The following MATCAP2 variants were observed in gnomAD, a reference collection of about 807,000 sequenced individuals.
MATCAP2 encodes the protein microtubule associated tyrosine carboxypeptidase 2, also known as putative tyrosine carboxypeptidase MATCAP2.
At chr7:36,337,236 T>C in the MATCAP2 span, among the ~76,000 whole-genome samples, 1 of 152,152 alleles carries the variant, frequency 6.6e-6, no homozygotes, top group South Asian at 2.1e-4. Flanking sequence ...GGCAGGATAT[T>C]ATCTACTTTT....
the MATCAP2 span, among the ~76,000 whole-genome samples, chr7:36,357,760 C>T: frequency 5.3e-5 from 8 of 152,120 alleles, no homozygotes; most frequent in Middle Eastern, 3.2e-3. Context: ...ACTTTGGTCA[C>T]GCTAGCTACT....
the MATCAP2 span, among the ~76,000 whole-genome samples, chr7:36,375,654 G>A: frequency 6.6e-6 from 1 of 152,202 alleles, no homozygotes; most frequent in Non-Finnish European, 1.5e-5. Flanking sequence ...AATAGTTTCA[G>A]AAGGAATGGT....
the MATCAP2 span, chr7:36,355,698 T>C: frequency 6.6e-6 from 1 of 152,168 alleles, no homozygotes; most frequent in African/African-American, 2.4e-5. Context: ...AATGCTAAAA[T>C]AGGACATGCA....
At chr7:36,340,135 TGG>T in the MATCAP2 span, among the ~76,000 whole-genome samples, 1 of 152,226 alleles carries the variant, frequency 6.6e-6, no homozygotes, top group Non-Finnish European at 1.5e-5. Flanking sequence ...AAGTTAGTGC[TGG>T]GATTATAGGC....
the MATCAP2 span, among the ~76,000 whole-genome samples, chr7:36,328,920 G>C: frequency 6.6e-6 from 1 of 152,034 alleles, no homozygotes; most frequent in Admixed American, 6.6e-5. Flanking sequence ...GTGGATGCCT[G>C]TAATCTCAGC....
the MATCAP2 span, chr7:36,357,369 A>G: frequency 3.1e-6 from 5 of 1,614,030 alleles, no homozygotes; most frequent in Non-Finnish European, 4.2e-6. Context: ...GGTTTTCTAC[A>G]TCTTTTGGAG....
the MATCAP2 span, among the ~76,000 whole-genome samples, chr7:36,377,336 A>T: frequency 1.2e-3 from 176 of 152,208 alleles, no homozygotes; most frequent in African/African-American, 4.2e-3. Context: ...TTTATAAAGG[A>T]TTTTATTTCT....
chr7:36,367,581 T>G, the MATCAP2 span, among the ~76,000 whole-genome samples: 3 of 152,132 alleles, frequency 2.0e-5, no homozygotes, highest in Non-Finnish European at 4.4e-5. Flanking sequence ...CTAAAACACG[T>G]TTAGGATGAG....
At chr7:36,387,721 G>T in the MATCAP2 span, among the ~76,000 whole-genome samples, 1 of 152,142 alleles carries the variant, frequency 6.6e-6, no homozygotes, top group African/African-American at 2.4e-5. Flanking sequence ...ACTAAATGTT[G>T]TGAGTAGCTA....
chr7:36,370,812 C>T, the MATCAP2 span, among the ~76,000 whole-genome samples: 12 of 152,296 alleles, frequency 7.9e-5, no homozygotes, highest in African/African-American at 2.9e-4. Flanking sequence ...TTATGTTTAT[C>T]TTTAAGGATG....
chr7:36,383,689 G>T, the MATCAP2 span, among the ~76,000 whole-genome samples: 113 of 152,274 alleles, frequency 7.4e-4, no homozygotes, highest in African/African-American at 2.6e-3. Context: ...GGGAGGGATA[G>T]CATTAGGAGA....
At chr7:36,374,743 G>A in the MATCAP2 span, among the ~76,000 whole-genome samples, 5 of 152,078 alleles carry the variant, frequency 3.3e-5, no homozygotes, top group Admixed American at 6.6e-5. Context: ...TTGTGCCCAC[G>A]TGTTCTCATT....
At chr7:36,327,008 A>G in the MATCAP2 span, 2 of 1,121,646 alleles carry the variant, frequency 1.8e-6, no homozygotes, top group Admixed American at 5.3e-5. Context: ...AAATGAAAGT[A>G]TACAGATCAT....
chr7:36,352,539 C>T, the MATCAP2 span, among the ~76,000 whole-genome samples: 5 of 148,576 alleles, frequency 3.4e-5, no homozygotes, highest in South Asian at 8.6e-4. Flanking sequence ...ATTAGAAAGA[C>T]AGTATGGGCC....
At chr7:36,348,732 AAAG>A in the MATCAP2 span, among the ~76,000 whole-genome samples, 1 of 152,224 alleles carries the variant, frequency 6.6e-6, no homozygotes, top group Middle Eastern at 3.2e-3. Flanking sequence ...AATTATAAAT[AAAG>A]TATTGTGAGA....
the MATCAP2 span, among the ~76,000 whole-genome samples, chr7:36,379,921 A>G: frequency 2.0e-5 from 3 of 151,214 alleles, no homozygotes; most frequent in South Asian, 6.3e-4. Context: ...GGGAATCTGA[A>G]TGATGCCTGG....
the MATCAP2 span, among the ~76,000 whole-genome samples, chr7:36,336,685 T>C: frequency 9.0e-4 from 136 of 151,948 alleles, no homozygotes; most frequent in African/African-American, 2.7e-3. Flanking sequence ...CGCAAGTAAA[T>C]AGATTACCAT....
At chr7:36,326,105 A>C in the MATCAP2 span, 1 of 152,144 alleles carries the variant, frequency 6.6e-6, no homozygotes, top group African/African-American at 2.4e-5. Flanking sequence ...ATGTTTCAGC[A>C]AATGAAAACA....
At chr7:36,382,491 CT>C in the MATCAP2 span, among the ~76,000 whole-genome samples, 133 of 149,944 alleles carry the variant, frequency 8.9e-4, no homozygotes, top group East Asian at 0.012. Context: ...GTAAAAATAG[CT>C]TTTTTTTTTT....
Sources: gnomAD v4.1 joint callset for allele counts (sites outside exome capture counted in the v4.1 genomes callset) on GRCh38, gnomAD v4.1.1 for gene constraint, MANE v1.5 for transcripts, NCBI Gene and HGNC (gene_info 2026-07-23, HGNC 2026-07-21) for gene names.